ZNF799: variants seen among roughly 807,000 people sequenced by gnomAD.
ZNF799 encodes zinc finger protein 799, also known as zinc finger protein 14.
ZNF799 carries 28 observed loss-of-function variants against 41.0 expected under a neutral mutation model. The observed-to-expected ratio is 0.68, with a 90% CI of 0.51 to 0.94. The LOEUF (loss-of-function observed/expected upper bound fraction) is 0.94. Among genes scored for constraint, ZNF799 ranks in the 40% least tolerant of loss-of-function variants. ZNF799 has a pLI of 0.00. For missense variants in ZNF799, 716 were observed against 764.3 expected, an observed-to-expected ratio of 0.94 and a Z score of 0.74; for synonymous variants, 213 against 252.9, an observed-to-expected ratio of 0.84 and a Z score of 1.50.
chr19:12,406,676 G>A, the ZNF799 span, among the ~76,000 whole-genome samples: 1 of 152,066 alleles, frequency 6.6e-6, no homozygotes, highest in South Asian at 2.1e-4. Flanking sequence ...CAAAGTGGGC[G>A]AATCACGAGG....
At chr19:12,412,144 C>G in the ZNF799 span, among the ~76,000 whole-genome samples, 1 of 152,172 alleles carries the variant, frequency 6.6e-6, no homozygotes, top group African/African-American at 2.4e-5. Flanking sequence ...TAGCAGTGAC[C>G]ACCTCTCAGT....
At chr19:12,414,034 G>A in the ZNF799 span, among the ~76,000 whole-genome samples, 2 of 152,204 alleles carry the variant, frequency 1.3e-5, no homozygotes, top group South Asian at 4.1e-4. Flanking sequence ...GTGTGCCAGA[G>A]GCTGCCACAG....
chr19:12,402,777 A>G (rs527336105), upstream of ZNF799, among the ~76,000 whole-genome samples: 28 of 152,100 alleles, frequency 1.8e-4, no homozygotes, highest in Admixed American at 1.2e-3. Context: ...CATCCCAGGG[A>G]TAAAGCCCAC....
chr19:12,401,800 T>C (rs1969993106), upstream of ZNF799, among the ~76,000 whole-genome samples: 2 of 152,060 alleles, frequency 1.3e-5, no homozygotes, highest in African/African-American at 4.8e-5. Context: ...GGTCTCGAAC[T>C]CCTGACCTCG....
upstream of ZNF799, among the ~76,000 whole-genome samples, chr19:12,401,918 G>A (rs112561888): frequency 4.0e-3 from 609 of 152,244 alleles, 2 homozygotes; most frequent in African/African-American, 0.014. Context: ...ATATTTCAAT[G>A]TACAATTAAA....
the ZNF799 span, among the ~76,000 whole-genome samples, chr19:12,408,832 A>T: frequency 1.3e-5 from 2 of 151,784 alleles, no homozygotes; most frequent in Non-Finnish European, 2.9e-5. Context: ...TCGGGAGTTC[A>T]AGACCAGTGT....
chr19:12,414,409 C>T, the ZNF799 span, among the ~76,000 whole-genome samples: 1 of 152,168 alleles, frequency 6.6e-6, no homozygotes, highest in Non-Finnish European at 1.5e-5. Context: ...CTACCTCTTC[C>T]CCTGGACAGA....
At chr19:12,395,537 G>A (rs1969882353) in intron 1 of ZNF799, among the ~76,000 whole-genome samples, 1 of 152,196 alleles carries the variant, frequency 6.6e-6, no homozygotes, top group Non-Finnish European at 1.5e-5. Flanking sequence ...CAAAAAGCCT[G>A]TAGCCAACTG....
the ZNF799 span, among the ~76,000 whole-genome samples, chr19:12,411,465 A>G: frequency 1.3e-5 from 2 of 152,300 alleles, no homozygotes; most frequent in East Asian, 3.9e-4. Context: ...ACTTCAACAC[A>G]AAAGACAGGG....
chr19:12,399,311 C>T (rs964709761), intron 1 of ZNF799, among the ~76,000 whole-genome samples: 1 of 152,172 alleles, frequency 6.6e-6, no homozygotes, highest in African/African-American at 2.4e-5. Context: ...GCAGGTTCTC[C>T]AGTCCTTAGA....
the ZNF799 span, among the ~76,000 whole-genome samples, chr19:12,410,342 C>T: frequency 6.7e-6 from 1 of 148,380 alleles, no homozygotes; most frequent in Non-Finnish European, 1.5e-5. Flanking sequence ...CTATATTCCC[C>T]AGGCTGGTCT....
At position 12,401,062 on chromosome 19, in the gene ZNF799, A is replaced by T; in HGVS notation, c.3+6T>A. ...CCGCCTCGGGACGCCGGCCCAGCAC[A>T]CGCACCATTTCCCGACTTCCGCGGT... is the stretch of plus-strand genomic sequence containing the variant. On this transcript the variant is annotated splice_donor_region_variant and intron_variant, in intron 1 of 3. Coordinates refer to ENST00000430385, the MANE Select transcript of ZNF799 (RefSeq NM_001080821.3). 6.2e-7 allele frequency: 1 copy of T among 1,613,928 alleles called. No individual in the cohort carries two copies. Among genetic ancestry groups the T allele is most frequent in the Non-Finnish European group, 8.5e-7 (1 of 1,179,888 alleles).
chr19:12,408,008 T>C, the ZNF799 span, among the ~76,000 whole-genome samples: 1 of 152,076 alleles, frequency 6.6e-6, no homozygotes, highest in Non-Finnish European at 1.5e-5. Context: ...ATTTTAAAAA[T>C]ATCTTGGGCA....
chr19:12,396,230 T>C (rs1969891999), intron 1 of ZNF799, among the ~76,000 whole-genome samples: 1 of 104,284 alleles, frequency 9.6e-6, no homozygotes, highest in African/African-American at 4.1e-5. Flanking sequence ...CCTCAGACAC[T>C]GCACTCACTG....
At position 12,391,903 on chromosome 19, in the gene ZNF799, T is replaced by C. The variant is rs1239517378; in HGVS notation, c.495A>G (p.Gly165=). Residue 165 remains glycine (G), a synonymous_variant, in exon 4 of 4, where the codon GGA becomes GGG. Coordinates refer to ENST00000430385, the MANE Select transcript of ZNF799 (RefSeq NM_001080821.3). ...SLQTHERLHT[G]KKPYNCKECG... ...ATTCTTTACAATTATATGGTTTCTT[T>C]CCAGTGTGAAGCCTCTCATGTGTTT... 1.9e-6 allele frequency: 3 copies of C among 1,614,094 alleles called. No individual in the cohort carries two copies. The highest frequency in any genetic ancestry group is 1.7e-6 in the Non-Finnish European group (2 of 1,180,034).
chr19:12,414,263 A>C, the ZNF799 span, among the ~76,000 whole-genome samples: 6 of 152,178 alleles, frequency 3.9e-5, no homozygotes, highest in Non-Finnish European at 7.3e-5. Flanking sequence ...GAGTGGAGGC[A>C]GAAAAACAGG....
chr19:12,410,404 G>A, the ZNF799 span, among the ~76,000 whole-genome samples: 1 of 151,406 alleles, frequency 6.6e-6, no homozygotes, highest in Non-Finnish European at 1.5e-5. Context: ...AAAGTGTTGG[G>A]ATTACAAGCA....
At position 12,391,406 on chromosome 19, in the gene ZNF799, T is replaced by C. The variant is rs1452572878; in HGVS notation, c.992A>G (p.His331Arg). 1.2e-6 allele frequency: 2 copies of C among 1,614,186 alleles called. No individual in the cohort carries two copies. The highest frequency in any genetic ancestry group is 1.7e-6 in the Non-Finnish European group (2 of 1,180,014). Residue 331 changes from histidine to arginine, a missense_variant, in exon 4 of 4, where the codon CAC becomes CGC. Coordinates refer to ENST00000430385, the MANE Select transcript of ZNF799 (RefSeq NM_001080821.3). Reference protein sequence around the residue: ...LGSFQRHMVMHTRDGPHKCKI... With the variant: ...LGSFQRHMVMRTRDGPHKCKI... Reference sequence around the variant, plus strand: ...ACACTTATGAGGTCCATCTCTCGTGTGCATTACCATGTGTCTTTGAAAGCT... The same window carrying C: ...ACACTTATGAGGTCCATCTCTCGTGCGCATTACCATGTGTCTTTGAAAGCT...
chr19:12,408,831 C>T, the ZNF799 span, among the ~76,000 whole-genome samples: 295 of 152,128 alleles, frequency 1.9e-3, 3 homozygotes, highest in Non-Finnish European at 1.0e-3. Context: ...GTCGGGAGTT[C>T]AAGACCAGTG....
Sources: gnomAD v4.1 joint callset for allele counts (sites outside exome capture counted in the v4.1 genomes callset) on GRCh38, gnomAD v4.1.1 for gene constraint, MANE v1.5 for transcripts, NCBI Gene and HGNC (gene_info 2026-07-23, HGNC 2026-07-21) for gene names.